Variants in CACNA1H observed in about 807,000 individuals in gnomAD.
CACNA1H encodes the protein voltage-dependent T-type calcium channel subunit alpha-1H.
CACNA1H carries 149 observed loss-of-function variants against 192.5 expected under a neutral mutation model. That is an observed-to-expected ratio of 0.77 (90% CI 0.68 to 0.89). CACNA1H has a LOEUF of 0.89. CACNA1H is among the 40% of genes least tolerant of loss of function. The pLI, the probability that CACNA1H is intolerant of heterozygous loss-of-function variation, is 0.00. For synonymous variants in CACNA1H, 2,202 were observed against 1,475.2 expected, an observed-to-expected ratio of 1.49 and a Z score of -11.29; for missense variants, 4,257 against 3,423.5, an observed-to-expected ratio of 1.24 and a Z score of -6.08.
At chr16:1,213,120 G>T (rs530424574) in intron 26 of CACNA1H, among the ~76,000 whole-genome samples, 1 of 152,354 alleles carries the variant, frequency 6.6e-6, no homozygotes, top group South Asian at 2.1e-4. Context: ...GATGGCGGGC[G>T]CCGACTTCAG....
chr16:1,198,929 G>A (rs1967342888), intron 6 of CACNA1H, 155 bp downstream of exon 6: 2 of 683,610 alleles, frequency 2.9e-6, no homozygotes, highest in Non-Finnish European at 4.9e-6. Context: ...CGTCCACCAT[G>A]CTGTCTCCCG....
At chr16:1,162,996 G>A (rs549602780) in intron 2 of CACNA1H, among the ~76,000 whole-genome samples, 13 of 152,376 alleles carry the variant, frequency 8.5e-5, no homozygotes, top group Admixed American at 7.8e-4. Context: ...CAAAGGCTGT[G>A]GGGGCACAGT....
At chr16:1,196,110 C>T in intron 5 of CACNA1H, 87 bp downstream of exon 5, 3 of 1,069,098 alleles carry the variant, frequency 2.8e-6, no homozygotes, top group South Asian at 1.3e-5. Context: ...CCCCCAGGAG[C>T]ACAGGACTGG....
chr16:1,211,779 C>T lies in CACNA1H; in HGVS notation c.4540C>T (p.Leu1514=), dbSNP rs376920914. Residue 1514 remains leucine, a synonymous_variant, in exon 24 of 35, where the codon CTG becomes TTG. Transcript: ENST00000348261. ...DGWVNIMYDG[L]DAVGVDQQPV... is the part of the protein sequence containing the mutation. ...ATGGGTGAACATCATGTACGACGGG[C>T]TGGATGCCGTGGGTGTCGACCAGCA... 2 of 1,612,710 alleles carry T rather than the reference C, an allele frequency of 1.2e-6. No homozygotes were observed.
chr16:1,205,650 AAATT>A (rs1218809287), intron 11 of CACNA1H, among the ~76,000 whole-genome samples: 2 of 152,214 alleles, frequency 1.3e-5, no homozygotes, highest in Admixed American at 1.3e-4. Flanking sequence ...TGCTACAAGA[AAATT>A]AAACCAGAAA....
At chr16:1,171,145 C>A (rs1373387872) in intron 2 of CACNA1H, among the ~76,000 whole-genome samples, 1 of 152,318 alleles carries the variant, frequency 6.6e-6, no homozygotes, top group East Asian at 1.9e-4. Context: ...CCCACCCGCA[C>A]CCCTGGGGTG....
intron 5 of CACNA1H, among the ~76,000 whole-genome samples, chr16:1,197,780 C>T (rs534429087): frequency 1.2e-4 from 18 of 152,214 alleles, no homozygotes; most frequent in South Asian, 4.1e-4. Context: ...AACTCAGCGT[C>T]CCCAGGTTCC....
At chr16:1,201,496 C>T (rs989222661) in intron 8 of CACNA1H, among the ~76,000 whole-genome samples, 167 bp from the exon 9 acceptor site, 2 of 152,164 alleles carry the variant, frequency 1.3e-5, no homozygotes, top group South Asian at 2.1e-4. Flanking sequence ...CTGCTCCAGA[C>T]GTGGGGGCTC....
chr16:1,195,479 C>G lies in CACNA1H; in HGVS notation c.459C>G (p.Ile153Met), dbSNP rs1421376137. 5.0e-6 allele frequency: 8 copies of G among 1,585,728 alleles called. No individual in the cohort carries two copies. The East Asian group carries it at 1.4e-4, about 27-fold the overall frequency. The change falls in exon 4 of 35, where the codon ATC becomes ATG. Residue 153 changes from isoleucine to methionine, a missense_variant. Physicochemically the swap from Ile to Met is conservative, Grantham distance 10. Transcript: ENST00000348261. ...IFAFFAVEMV[I>M]KMVALGLFGQ... is the part of the protein sequence containing the mutation. Reference sequence around the variant, plus strand: ...CCTTTTTTGCGGTGGAGATGGTCATCAAGATGGTGGCCTTGGGGCTGTTCG... The same window carrying G: ...CCTTTTTTGCGGTGGAGATGGTCATGAAGATGGTGGCCTTGGGGCTGTTCG...
rs370552821 is a variant in CACNA1H at position 1,215,607 on chromosome 16, G to C, written c.5244+14G>C. On this transcript the variant is annotated intron_variant, in intron 30 of 34. Coordinates refer to ENST00000348261, the MANE Select transcript of CACNA1H (RefSeq NM_021098.3). ...GCTCTCCCCCAGGTAGGTGGAGCCC[G>C]CGCCATCCTCAGCGCAGGCCCCCGG... 3.1e-6 allele frequency: 5 copies of C among 1,606,242 alleles called. No individual in the cohort carries two copies. The Admixed American group carries it at 8.4e-5, about 27-fold the overall frequency.
At chr16:1,191,237 C>T (rs867859605) in intron 2 of CACNA1H, among the ~76,000 whole-genome samples, 4 of 85,762 alleles carry the variant, frequency 4.7e-5, no homozygotes, top group Admixed American at 1.1e-4. Flanking sequence ...CAGGCACACT[C>T]GGGGTCTCTG....
intron 5 of CACNA1H, among the ~76,000 whole-genome samples, chr16:1,198,380 T>A (rs1333034638): frequency 6.6e-6 from 1 of 152,108 alleles, no homozygotes; most frequent in Non-Finnish European, 1.5e-5. Flanking sequence ...CCCCGCTGGA[T>A]GCACGTCAGA....
At chr16:1,163,821 C>A (rs1963471564) in intron 2 of CACNA1H, among the ~76,000 whole-genome samples, 2 of 152,180 alleles carry the variant, frequency 1.3e-5, no homozygotes, top group African/African-American at 4.8e-5. Flanking sequence ...GGTGAGAGGC[C>A]CCGGGATGCC....
chr16:1,199,050 C>T (rs1967381702), intron 6 of CACNA1H: 3 of 385,022 alleles, frequency 7.8e-6, no homozygotes, highest in South Asian at 7.6e-5. Flanking sequence ...GCTCCGCCCA[C>T]CGCGCAGTCG....
Position 1,198,537 on chromosome 16 carries a change from G to A in CACNA1H, c.644-78G>A, listed in dbSNP as rs1180526753. 2.0e-6 allele frequency: 3 copies of A among 1,524,726 alleles called. No homozygotes were observed. The South Asian group carries it at 3.4e-5, about 17-fold the overall frequency. 94.4% of individuals were successfully genotyped at this position (1,524,726 alleles called of 1,614,324 possible). ...ACTGTGAACAGTGGACGGGGCTCGGGGGTCCCGGGAGGGGCTGCAGCCCCG... is the reference window on the plus strand; with the variant it reads ...ACTGTGAACAGTGGACGGGGCTCGGAGGTCCCGGGAGGGGCTGCAGCCCCG... On this transcript the variant is annotated intron_variant, in intron 5 of 34. Coordinates refer to ENST00000348261, the MANE Select transcript of CACNA1H (RefSeq NM_021098.3).
intron 2 of CACNA1H, among the ~76,000 whole-genome samples, chr16:1,183,346 TC>T (rs1197174501): frequency 6.6e-6 from 1 of 152,148 alleles, no homozygotes; most frequent in Non-Finnish European, 1.5e-5. Context: ...CGGTGGCTTC[TC>T]CCGAGGAAGG....
chr16:1,218,063 T>C (rs1440610464), intron 32 of CACNA1H, 23 bp downstream of exon 32: 1 of 1,591,202 alleles, frequency 6.3e-7, no homozygotes, highest in African/African-American at 1.3e-5. Flanking sequence ...GCCATGCCTC[T>C]GGCACCTGGC....
intron 31 of CACNA1H, among the ~76,000 whole-genome samples, chr16:1,217,671 TC>T (rs1178677623): frequency 1.3e-5 from 2 of 151,960 alleles, no homozygotes; most frequent in African/African-American, 4.8e-5. Flanking sequence ...TAATGATTCT[TC>T]CATGGCAGCC....
intron 2 of CACNA1H, among the ~76,000 whole-genome samples, chr16:1,172,837 G>A (rs770759365): frequency 5.9e-5 from 9 of 152,136 alleles, no homozygotes; most frequent in East Asian, 3.9e-4. Context: ...GAGGACTCAC[G>A]GCTTTGCTCC....
Sources: gnomAD v4.1 joint callset for allele counts (sites outside exome capture counted in the v4.1 genomes callset) on GRCh38, gnomAD v4.1.1 for gene constraint, MANE v1.5 for transcripts, NCBI Gene and HGNC (gene_info 2026-07-23, HGNC 2026-07-21) for gene names.